SRSF11: variants seen among roughly 807,000 people sequenced by gnomAD.
SRSF11 encodes the protein serine and arginine rich splicing factor 11.
SRSF11 carries 9 observed loss-of-function variants against 56.0 expected under a neutral mutation model. The observed-to-expected ratio is 0.16, with a 90% CI of 0.10 to 0.28. SRSF11 has a LOEUF of 0.28. Ranked by LOEUF, SRSF11 falls within the 10% of genes least tolerant of loss-of-function variation. The pLI is 1.00. For missense variants in SRSF11, 421 were observed against 600.7 expected (o/e 0.70, Z 3.13); for synonymous variants, 222 against 215.3 (o/e 1.03, Z -0.27).
At chr1:70,230,712 A>C (rs1348866324) in intron 2 of SRSF11, 1 of 1,191,458 alleles carries the variant, frequency 8.4e-7, no homozygotes. Flanking sequence ...TTTTTTTTTT[A>C]ATGGATGCAG....
At chr1:70,243,549 G>A (rs749195638) in intron 7 of SRSF11, among the ~76,000 whole-genome samples, 1 of 152,010 alleles carries the variant, frequency 6.6e-6, no homozygotes, top group Non-Finnish European at 1.5e-5. Flanking sequence ...AGAGAGGTTA[G>A]ATAATACTCT....
chr1:70,249,275 C>G (rs1677448303), intron 9 of SRSF11: 12 of 152,116 alleles, frequency 7.9e-5, no homozygotes, highest in Admixed American at 7.9e-4. Context: ...CCTTCTATAT[C>G]ACATTATTGA....
intron 1 of SRSF11, among the ~76,000 whole-genome samples, chr1:70,223,739 A>G (rs1671143610): frequency 6.6e-6 from 1 of 152,140 alleles, no homozygotes; most frequent in African/African-American, 2.4e-5. Context: ...TTGATGTTGC[A>G]TTTTGTTTTT....
intron 1 of SRSF11, among the ~76,000 whole-genome samples, chr1:70,212,512 C>T (rs995539851): frequency 6.6e-6 from 1 of 152,144 alleles, no homozygotes; most frequent in Admixed American, 6.5e-5. Context: ...CCACCTTGGC[C>T]TCCCAAAGTG....
rs967677220 is a variant in SRSF11, at chr1:70,231,045, A to G, written c.338-1223A>G. ...CTTCTCAGTATAGGTGGAAGGAACC[A>G]TTACCTTTATTTAACAGTGGTTTTT... is the stretch of plus-strand genomic sequence containing the variant. On this transcript the variant is annotated intron_variant, in intron 2 of 11. Transcript: ENST00000370949. 9.3e-6 allele frequency: 12 copies of G among 1,289,096 alleles called. No individual in the cohort carries two copies. The African/African-American group carries it at 1.7e-4, about 18-fold the overall frequency. 79.9% of individuals were successfully genotyped at this position (1,289,096 alleles called of 1,614,324 possible).
At chr1:70,225,215 C>T (rs79278301) in intron 1 of SRSF11, among the ~76,000 whole-genome samples, 2,102 of 152,172 alleles carry the variant, frequency 0.014, 36 homozygotes, top group African/African-American at 0.037. Flanking sequence ...TGCTGTAATA[C>T]GGAGATACAT....
At position 70,232,413 on chromosome 1, in the gene SRSF11, A is replaced by G. The variant is rs762676192; in HGVS notation, c.447+36A>G. 2.6e-5 allele frequency: 39 copies of G among 1,523,190 alleles called. No homozygotes were observed. The East Asian group carries it at 7.9e-4, about 31-fold the overall frequency. The allele number at this position is 1,523,190 out of a possible 1,614,324, so 94.4% of individuals were successfully genotyped here. A position where few individuals can be genotyped will look rare whatever the true frequency, so the allele number is the denominator to read the frequency against. ...TATTGAATTCTTAAAGGGTGGGGAA[A>G]AAAACAGAATTGTGCATAAAGCTAA... On this transcript the variant is annotated intron_variant, in intron 3 of 11. Coordinates refer to ENST00000370949, the MANE Select transcript of SRSF11 (RefSeq NM_001350605.2).
At chr1:70,217,946 T>G (rs1670163280), upstream of SRSF11, among the ~76,000 whole-genome samples, 1 of 152,094 alleles carries the variant, frequency 6.6e-6, no homozygotes, top group African/African-American at 2.4e-5. Flanking sequence ...ATCACATGCT[T>G]GATGACAGGG....
chr1:70,217,526 CT>C (rs1670124041), upstream of SRSF11, among the ~76,000 whole-genome samples: 1 of 152,130 alleles, frequency 6.6e-6, no homozygotes, highest in African/African-American at 2.4e-5. Flanking sequence ...CATTCACTTC[CT>C]TTTCCCTACT....
chr1:70,238,479 A>G (rs1312625632), intron 6 of SRSF11, among the ~76,000 whole-genome samples: 3 of 152,246 alleles, frequency 2.0e-5, no homozygotes, highest in African/African-American at 7.2e-5. Context: ...CACTTTGATG[A>G]TAGTCAGTGA....
Position 70,252,598 on chromosome 1 carries a change from T to G in SRSF11, c.*1793T>G, listed in dbSNP as rs1474781409. 1 of 152,170 alleles carries G rather than the reference T, an allele frequency of 6.6e-6. No homozygotes were observed. The highest frequency in any genetic ancestry group is 1.5e-5 in the Non-Finnish European group (1 of 68,022). The allele number at this position is 152,170 out of a possible 1,614,324, so 9.4% of individuals were successfully genotyped here. A position where few individuals can be genotyped will look rare whatever the true frequency, so the allele number is the denominator to read the frequency against. Reference sequence around the variant, plus strand: ...AGATTTTATCAAAAAGAATTGTCTATAGTGAGTAAAAGAAGTTCTAATAAT... The same window carrying G: ...AGATTTTATCAAAAAGAATTGTCTAGAGTGAGTAAAAGAAGTTCTAATAAT... On this transcript the variant is annotated 3_prime_UTR_variant, in exon 12 of 12. Transcript: ENST00000370949.
Position 70,237,562 on chromosome 1 carries a change from G to A in SRSF11, c.718+10G>A. 2 of 1,606,162 alleles carry A rather than the reference G, an allele frequency of 1.2e-6. No homozygotes were observed. The highest frequency in any genetic ancestry group is 2.2e-5 in the East Asian group (1 of 44,806). ...GCTGCTATAGAACCAGGTAAACAATGTTTATGCAATTTTGTTGTGTGATTC... is the reference window on the plus strand; with the variant it reads ...GCTGCTATAGAACCAGGTAAACAATATTTATGCAATTTTGTTGTGTGATTC... On this transcript the variant is annotated intron_variant, in intron 6 of 11. Transcript: ENST00000370949.
chr1:70,229,831 A>G (rs1672519870), intron 2 of SRSF11: 1 of 983,540 alleles, frequency 1.0e-6, no homozygotes, highest in South Asian at 4.7e-5. Flanking sequence ...CATGTTATGT[A>G]ATAGTACCTC....
chr1:70,250,093 G>GT, intron 10 of SRSF11, 46 bp downstream of exon 10: 2 of 1,542,210 alleles, frequency 1.3e-6, no homozygotes, highest in Non-Finnish European at 1.8e-6. Flanking sequence ...TTTTTCAGAG[G>GT]TTTTTCATTT....
intron 2 of SRSF11, 157 bp from the exon 3 acceptor site, chr1:70,232,111 A>C (rs1229541046): frequency 1.3e-6 from 2 of 1,548,186 alleles, no homozygotes; most frequent in Middle Eastern, 3.3e-4. Flanking sequence ...CATAAAATTA[A>C]TGATAAATAA....
chr1:70,228,633 T>G, intron 2 of SRSF11, 78 bp downstream of exon 2: 1 of 1,464,546 alleles, frequency 6.8e-7, no homozygotes, highest in Admixed American at 2.3e-5. Flanking sequence ...TGAGCATTAG[T>G]AGCATGTTAA....
chr1:70,228,914 A>G (rs373547568), intron 2 of SRSF11: 5 of 984,754 alleles, frequency 5.1e-6, no homozygotes, highest in South Asian at 9.4e-5. Context: ...AGAGCCTTCA[A>G]ATAAATGCAT....
chr1:70,222,226 A>T (rs578231195), intron 1 of SRSF11, among the ~76,000 whole-genome samples: 15 of 152,340 alleles, frequency 9.8e-5, no homozygotes, highest in African/African-American at 3.6e-4. Flanking sequence ...TAACAAAATT[A>T]TTCATGCCTG....
intron 2 of SRSF11, chr1:70,229,534 A>G: frequency 1.0e-6 from 1 of 985,088 alleles, no homozygotes; most frequent in Non-Finnish European, 1.2e-6. Flanking sequence ...GCATTTTGGT[A>G]ACTATAAATT....
Sources: gnomAD v4.1 joint callset for allele counts (sites outside exome capture counted in the v4.1 genomes callset) on GRCh38, gnomAD v4.1.1 for gene constraint, MANE v1.5 for transcripts, NCBI Gene and HGNC (gene_info 2026-07-23, HGNC 2026-07-21) for gene names.